The following SNX24 variants were observed in gnomAD, a reference collection of about 807,000 sequenced individuals.
The protein encoded by SNX24 is sorting nexin-24.
SNX24 carries 22 observed loss-of-function variants against 28.7 expected under a neutral mutation model. The observed-to-expected ratio is 0.77, with a 90% CI of 0.55 to 1.10. The LOEUF is 1.10. SNX24 is among the 50% of genes least tolerant of loss of function. SNX24 has a pLI of 0.00. For missense variants in SNX24, 221 were observed against 201.1 expected, an observed-to-expected ratio of 1.10 and a Z score of -0.60; for synonymous variants, 69 against 71.5, an observed-to-expected ratio of 0.96 and a Z score of 0.18.
At chr5:122,851,587 T>G (rs1754922128) in intron 1 of SNX24, among the ~76,000 whole-genome samples, 1 of 152,220 alleles carries the variant, frequency 6.6e-6, no homozygotes, top group Non-Finnish European at 1.5e-5. Context: ...GGGACCTGGA[T>G]ACTATCACTG....
In SNX24 at chr5:123,015,509, C is replaced by T. The variant is rs560413578; in HGVS notation, n.383+13505C>T. Among the ~76,000 whole-genome samples, 26 of 152,160 alleles carry T rather than the reference C, an allele frequency of 1.7e-4. No individual in the cohort carries two copies. The East Asian group carries it at 3.7e-3, about 21-fold the overall frequency. The stretch of plus-strand genomic sequence containing the variant: ...CTAAGCTAATTCAGTGTTTATAAAC[C>T]ATAGCTTCGTGACACCCCAGGACAG... On this transcript the variant is annotated intron_variant and non_coding_transcript_variant, in intron 5 of 5. Transcript: ENST00000502387.
intron 1 of SNX24, among the ~76,000 whole-genome samples, chr5:122,928,899 A>G (rs1312986197): frequency 1.4e-5 from 2 of 146,966 alleles, no homozygotes; most frequent in Non-Finnish European, 3.0e-5. Flanking sequence ...TACCATCAAG[A>G]CCTCACCCAA....
At chr5:122,976,506 G>C (rs1455319290) in intron 3 of SNX24, among the ~76,000 whole-genome samples, 2 of 152,186 alleles carry the variant, frequency 1.3e-5, no homozygotes, top group Non-Finnish European at 2.9e-5. Context: ...GAAGTACAAG[G>C]ATGAAAGTCA....
chr5:122,880,879 CAGACA>C (rs1474905576), intron 1 of SNX24, among the ~76,000 whole-genome samples: 1 of 152,234 alleles, frequency 6.6e-6, no homozygotes, highest in Non-Finnish European at 1.5e-5. Context: ...CCCTGGCCCA[CAGACA>C]GCACCGAAAT....
chr5:122,852,261 C>A (rs1561503653), intron 1 of SNX24, among the ~76,000 whole-genome samples: 1 of 151,586 alleles, frequency 6.6e-6, no homozygotes, highest in Non-Finnish European at 1.5e-5. Flanking sequence ...GTTTGCTGAA[C>A]TATTTTGTAT....
At chr5:122,850,166 T>G (rs1443109595) in intron 1 of SNX24, among the ~76,000 whole-genome samples, 3 of 152,184 alleles carry the variant, frequency 2.0e-5, no homozygotes, top group Non-Finnish European at 4.4e-5. Context: ...ACTGGGTAGT[T>G]TATAAACCAC....
At chr5:122,881,160 T>C (rs1204656610) in intron 1 of SNX24, among the ~76,000 whole-genome samples, 1 of 152,134 alleles carries the variant, frequency 6.6e-6, no homozygotes, top group African/African-American at 2.4e-5. Flanking sequence ...GCAGAAAAAT[T>C]GGAGAATCAT....
chr5:122,859,891 G>A (rs1266246664), intron 1 of SNX24, among the ~76,000 whole-genome samples: 2 of 152,124 alleles, frequency 1.3e-5, no homozygotes, highest in Admixed American at 6.6e-5. Context: ...CTGGTTGACA[G>A]TTGGTTGAGT....
At chr5:122,907,850 T>G (rs567971088) in intron 1 of SNX24, among the ~76,000 whole-genome samples, 27 of 152,266 alleles carry the variant, frequency 1.8e-4, no homozygotes, top group Middle Eastern at 6.8e-3. Flanking sequence ...AAATTTCAAT[T>G]TAAAAGTATA....
At chr5:122,973,672 A>G (rs1761049089) in intron 3 of SNX24, among the ~76,000 whole-genome samples, 1 of 152,170 alleles carries the variant, frequency 6.6e-6, no homozygotes, top group South Asian at 2.1e-4. Flanking sequence ...TGCATGACCC[A>G]CTTTATGGCT....
intron 1 of SNX24, among the ~76,000 whole-genome samples, chr5:122,847,794 C>T (rs912203296): frequency 1.3e-5 from 2 of 152,056 alleles, no homozygotes; most frequent in African/African-American, 4.8e-5. Context: ...ACACCCAGCC[C>T]TAAAATACCT....
chr5:122,914,291 G>A (rs1290919635), intron 1 of SNX24, among the ~76,000 whole-genome samples: 1 of 152,204 alleles, frequency 6.6e-6, no homozygotes, highest in Admixed American at 6.5e-5. Context: ...TGCTGGATTC[G>A]GTTTGCCAGT....
chr5:122,887,008 G>C (rs558512546), intron 1 of SNX24, among the ~76,000 whole-genome samples: 1 of 151,828 alleles, frequency 6.6e-6, no homozygotes, highest in African/African-American at 2.4e-5. Context: ...ATTCATATCC[G>C]TACTTACTGT....
chr5:123,024,624 G>T (rs1485500948), intron 5 of SNX24, among the ~76,000 whole-genome samples: 1 of 152,228 alleles, frequency 6.6e-6, no homozygotes, highest in Non-Finnish European at 1.5e-5. Context: ...GGTTAGGACT[G>T]GGCAAGGAAC....
chr5:122,886,375 C>T (rs536994859), intron 1 of SNX24, among the ~76,000 whole-genome samples: 1 of 152,180 alleles, frequency 6.6e-6, no homozygotes, highest in Non-Finnish European at 1.5e-5. Context: ...TCCTGTCTCT[C>T]TCTCTCCTCT....
intron 1 of SNX24, among the ~76,000 whole-genome samples, chr5:122,860,930 C>A (rs1755430780): frequency 6.6e-6 from 1 of 152,012 alleles, no homozygotes; most frequent in African/African-American, 2.4e-5. Context: ...ATTTAATTAT[C>A]TATCATAGTA....
chr5:122,972,645 C>T (rs187174325), intron 3 of SNX24, among the ~76,000 whole-genome samples: 1 of 152,300 alleles, frequency 6.6e-6, no homozygotes, highest in East Asian at 1.9e-4. Flanking sequence ...TGTGAAATAC[C>T]ATGACTGTGG....
In SNX24 at chr5:123,016,285, T is replaced by C. The variant is rs181003079; in HGVS notation, n.384-12953T>C. ...AGGGCCCTTCTCTGAGATAGTGACA[T>C]TGAAGTTGAGACCTAAAGAATATTG... On this transcript the variant is annotated intron_variant and non_coding_transcript_variant, in intron 5 of 5. Coordinates refer to the SNX24 transcript ENST00000502387. Among the ~76,000 whole-genome samples, 994 of 152,182 alleles carry C rather than the reference T, an allele frequency of 6.5e-3. 42 individuals are homozygous for C. Among genetic ancestry groups the C allele is most frequent in the Admixed American group, 0.062 (942 of 15,292 alleles).
chr5:123,029,166 T>C, intron 5 of SNX24: 1 of 1,484,316 alleles, frequency 6.7e-7, no homozygotes, highest in Non-Finnish European at 9.1e-7. Context: ...AAATAATACA[T>C]ATTTAATTGG....
Sources: gnomAD v4.1 joint callset for allele counts (sites outside exome capture counted in the v4.1 genomes callset) on GRCh38, gnomAD v4.1.1 for gene constraint, MANE v1.5 for transcripts, NCBI Gene and HGNC (gene_info 2026-07-23, HGNC 2026-07-21) for gene names.